The following ITGAV variants were observed in gnomAD, a reference collection of about 807,000 sequenced individuals.
ITGAV encodes the protein integrin subunit alpha V.
Under a neutral mutation model 143.8 loss-of-function variants are expected in ITGAV, and 76 were observed. The ratio of observed to expected loss-of-function variants is 0.53; its 90% CI spans 0.44 to 0.64. ITGAV has a LOEUF of 0.64. ITGAV is among the 30% of genes least tolerant of loss of function. The probability of loss-of-function intolerance (pLI) is 0.00; values close to 1 mark genes in which losing one functional copy is unlikely to be tolerated. For missense variants in ITGAV, 1,193 were observed against 1,274.7 expected (o/e 0.94, Z 0.98); for synonymous variants, 453 against 446.7 (o/e 1.01, Z -0.18).
intron 4 of ITGAV, among the ~76,000 whole-genome samples, chr2:186,626,886 G>A (rs945395468): frequency 3.3e-5 from 5 of 152,048 alleles, no homozygotes; most frequent in Admixed American, 6.6e-5. Context: ...TGTCATCTTC[G>A]GTGGTATGTA....
chr2:186,648,051 A>G (rs965389197), intron 13 of ITGAV, among the ~76,000 whole-genome samples: 2 of 152,174 alleles, frequency 1.3e-5, no homozygotes, highest in Non-Finnish European at 2.9e-5. Context: ...TATGCTATTC[A>G]TAGTGTTTTA....
At chr2:186,641,656 C>A (rs1688107338) in intron 12 of ITGAV, 68 bp downstream of exon 12, 5 of 1,324,968 alleles carry the variant, frequency 3.8e-6, no homozygotes, top group Non-Finnish European at 5.4e-6. Context: ...TTCTGTAAGT[C>A]CATCTGTAGA....
At chr2:186,650,021 G>A (rs1034340170) in intron 14 of ITGAV, 136 bp downstream of exon 14, 5 of 569,550 alleles carry the variant, frequency 8.8e-6, no homozygotes, top group Non-Finnish European at 9.0e-6. Context: ...TTCATGATTT[G>A]CTATGGGCAA....
chr2:186,653,961 T>G (rs985930160), intron 15 of ITGAV, among the ~76,000 whole-genome samples: 1 of 152,190 alleles, frequency 6.6e-6, no homozygotes, highest in African/African-American at 2.4e-5. Context: ...GCTAATAAAT[T>G]GTGAAGAACA....
intron 6 of ITGAV, 37 bp from the exon 7 acceptor site, chr2:186,636,045 T>G: frequency 6.3e-7 from 1 of 1,579,386 alleles, no homozygotes; most frequent in Non-Finnish European, 8.6e-7. Context: ...AGTTTCCATT[T>G]GAAGGTTATT....
Position 186,641,477 on chromosome 2 carries a change from C to A in ITGAV, c.1048C>A (p.Gln350Lys), listed in dbSNP as rs140715466. The A allele has an allele frequency of 6.2e-7, 1 of 1,614,156 alleles. No homozygotes were observed. The highest frequency in any genetic ancestry group is 1.1e-5 in the South Asian group (1 of 91,080). ...QEVGQVSVSL[Q>K]RASGDFQTTK... ...GGTGGGGCAGGTCTCAGTGTCTCTA[C>A]AGAGAGCTTCAGGAGACTTCCAGAC... Residue 350 changes from glutamine (Q) to lysine (K), a missense_variant, in exon 12 of 30, where the codon CAG becomes AAG. Gln to Lys is a moderately conservative substitution (Grantham distance 53). Transcript: ENST00000261023.
chr2:186,624,008 C>G (rs948733373), intron 3 of ITGAV, among the ~76,000 whole-genome samples: 3 of 152,162 alleles, frequency 2.0e-5, no homozygotes, highest in African/African-American at 7.2e-5. Flanking sequence ...CTGTCACTCT[C>G]TGCATAAGTA....
At chr2:186,616,346 T>C (rs1197388457) in intron 2 of ITGAV, among the ~76,000 whole-genome samples, 2 of 141,508 alleles carry the variant, frequency 1.4e-5, no homozygotes, top group Non-Finnish European at 3.0e-5. Flanking sequence ...TGGCACGATC[T>C]CGGCTCACTG....
At chr2:186,636,925 G>T (rs1687960431) in intron 7 of ITGAV, 140 bp from the exon 8 acceptor site, 2 of 635,042 alleles carry the variant, frequency 3.1e-6, no homozygotes, top group African/African-American at 3.7e-5. Flanking sequence ...ATATATATAT[G>T]AATCTGTTAT....
intron 26 of ITGAV, among the ~76,000 whole-genome samples, chr2:186,670,842 T>C (rs1005778745): frequency 6.6e-6 from 1 of 152,206 alleles, no homozygotes; most frequent in African/African-American, 2.4e-5. Context: ...CTTTTAAATA[T>C]CTAATAGGAA....
At chr2:186,590,951 C>T (rs1425363198) in intron 1 of ITGAV, among the ~76,000 whole-genome samples, 1 of 151,748 alleles carries the variant, frequency 6.6e-6, no homozygotes, top group Non-Finnish European at 1.5e-5. Context: ...GGCTTAACGC[C>T]CGTCCTTTTC....
At chr2:186,614,479 C>T (rs1239108834) in intron 2 of ITGAV, among the ~76,000 whole-genome samples, 2 of 151,962 alleles carry the variant, frequency 1.3e-5, no homozygotes, top group Non-Finnish European at 2.9e-5. Flanking sequence ...ATGTGTGTTT[C>T]AAGATTTCTG....
In ITGAV at chr2:186,638,470, GC is replaced by G. The variant is rs1347372152; in HGVS notation, c.903+6del. The G allele has an allele frequency of 6.2e-7, 1 of 1,607,500 alleles. No homozygotes were observed. Among genetic ancestry groups the G allele is most frequent in the African/African-American group, 1.3e-5 (1 of 74,732 alleles). On this transcript the variant is annotated splice_donor_region_variant and intron_variant, in intron 10 of 29. Coordinates refer to ENST00000261023, the MANE Select transcript of ITGAV (RefSeq NM_002210.5). Reference sequence around the variant, plus strand: ...TACAATTTTACTGGCGAGCAGGTATGCTTCCAAAATATGATCGTCCTCTCCC... The same window carrying G: ...TACAATTTTACTGGCGAGCAGGTATGTTCCAAAATATGATCGTCCTCTCCC...
chr2:186,607,860 TTTGGA>T (rs1472352756), intron 2 of ITGAV, among the ~76,000 whole-genome samples: 1 of 152,134 alleles, frequency 6.6e-6, no homozygotes, highest in Non-Finnish European at 1.5e-5. Flanking sequence ...TTAAGTTGCA[TTTGGA>T]TTGGGAGAAA....
At position 186,602,093 on chromosome 2, in the gene ITGAV, C is replaced by T; in HGVS notation, c.258C>T (p.Val86=). The T allele has an allele frequency of 6.2e-7, 1 of 1,613,402 alleles. No homozygotes were observed. The highest frequency in any genetic ancestry group is 8.5e-7 in the Non-Finnish European group (1 of 1,179,562). Residue 86 remains valine, a synonymous_variant, in exon 2 of 30, where the codon GTC becomes GTT. Transcript: ENST00000261023. ...TQPGIVEGGQ[V]LKCDWSSTRR... ...CTGGGATTGTGGAAGGAGGGCAGGT[C>T]CTCAAATGTGACTGGTCTTCTACCC...
At position 186,675,912 on chromosome 2, in the gene ITGAV, C is replaced by T; in HGVS notation, c.2913C>T (p.Ile971=). The T allele has an allele frequency of 6.4e-7, 1 of 1,557,324 alleles. No homozygotes were observed. Among genetic ancestry groups the T allele is most frequent in the Non-Finnish European group, 8.9e-7 (1 of 1,128,854 alleles). ...FPYKNLPIED[I]TNSTLVTTNV... ...ATAAGAATCTTCCAATTGAGGATATCACCAACTCCACATTGGTAAGTCATT... is the reference window on the plus strand; with the variant it reads ...ATAAGAATCTTCCAATTGAGGATATTACCAACTCCACATTGGTAAGTCATT... Residue 971 remains isoleucine (I), a synonymous_variant, in exon 28 of 30, where the codon ATC becomes ATT. Transcript: ENST00000261023.
chr2:186,602,025 A>C lies in ITGAV; in HGVS notation c.190A>C (p.Met64Leu). 6.2e-7 allele frequency: 1 copy of C among 1,607,236 alleles called. No homozygotes were observed. Among genetic ancestry groups the C allele is most frequent in the Non-Finnish European group, 8.5e-7 (1 of 1,177,390 alleles). The change falls in exon 2 of 30, where the codon ATG (methionine) becomes CTG (leucine). Residue 64 changes from methionine (M) to leucine (L), a missense_variant. Transcript: ENST00000261023. ...TCTGCCGCTTTTGTATTTTAGCCGG[A>C]TGTTTCTTCTCGTGGGAGCTCCCAA... ...DFFVPSASSR[M>L]FLLVGAPKAN...
chr2:186,653,484 A>G (rs1398657231), intron 15 of ITGAV, among the ~76,000 whole-genome samples: 1 of 152,222 alleles, frequency 6.6e-6, no homozygotes, highest in Non-Finnish European at 1.5e-5. Flanking sequence ...TTACTTCAAA[A>G]GAGCCAATTA....
intron 2 of ITGAV, among the ~76,000 whole-genome samples, chr2:186,616,302 G>A (rs1426139804): frequency 1.0e-4 from 14 of 138,942 alleles, no homozygotes; most frequent in Admixed American, 2.2e-4. Context: ...TTTTTGAGAC[G>A]GAGTCTCGCT....
Sources: allele counts gnomAD v4.1 joint callset (sites outside exome capture counted in the v4.1 genomes callset), GRCh38; gene constraint gnomAD v4.1.1; transcripts MANE v1.5; gene names NCBI Gene and HGNC (gene_info 2026-07-23, HGNC 2026-07-21).